Variants in COL19A1 observed in about 807,000 individuals in gnomAD.
COL19A1 encodes collagen alpha-1(XIX) chain.
In COL19A1, 159 loss-of-function variants were observed where a neutral mutation model predicts 190.2. The observed-to-expected ratio is 0.84, with a 90% confidence interval of 0.73 to 0.95. COL19A1 has a LOEUF of 0.95. Among genes scored for constraint, COL19A1 ranks in the 40% least tolerant of loss-of-function variants. The pLI is 0.00. For missense variants in COL19A1, 1,418 were observed against 1,431.9 expected (o/e 0.99, Z 0.16); for synonymous variants, 509 against 458.9 (o/e 1.11, Z -1.39).
At chr6:70,114,890 T>G (rs1784475798) in intron 16 of COL19A1, among the ~76,000 whole-genome samples, 1 of 152,226 alleles carries the variant, frequency 6.6e-6, no homozygotes. Flanking sequence ...TGAGAGCATT[T>G]AAGTTTCATA....
chr6:70,026,645 A>T (rs530663779), intron 12 of COL19A1, among the ~76,000 whole-genome samples: 2 of 152,296 alleles, frequency 1.3e-5, no homozygotes, highest in East Asian at 3.9e-4. Flanking sequence ...TATCACTAGT[A>T]GTAAAGAATC....
chr6:70,168,798 T>TCACCACCA, intron 40 of COL19A1, 117 bp downstream of exon 40: 3 of 1,058,704 alleles, frequency 2.8e-6, no homozygotes, highest in African/African-American at 1.6e-5. Flanking sequence ...AACATGCTGG[T>TCACCACCA]GGTGACAAGC....
In COL19A1 at chr6:70,207,273, G is replaced by T; in HGVS notation, c.3428G>T (p.Ter1143LeuextTer49). 6.3e-7 allele frequency: 1 copy of T among 1,583,010 alleles called. No individual in the cohort carries two copies. Among genetic ancestry groups the T allele is most frequent in the South Asian group, 1.1e-5 (1 of 90,542 alleles). ...SHAHQRTGGN[*>L] ...GCCCATCAGCGCACAGGTGGGAATT[G>T]AACACACCTGAAGAAGACTTGGTTC... Residue 1143 changes from the stop codon to leucine, a stop_lost, in exon 51 of 51, where the codon TGA (stop) becomes TTA (leucine). Coordinates refer to ENST00000620364, the MANE Select transcript of COL19A1 (RefSeq NM_001858.6).
At chr6:70,192,877 T>G (rs955581344) in intron 48 of COL19A1, among the ~76,000 whole-genome samples, 34 of 152,270 alleles carry the variant, frequency 2.2e-4, no homozygotes, top group African/African-American at 7.7e-4. Flanking sequence ...AAAAGAGAAA[T>G]GCCAGCGTAT....
At chr6:70,145,572 T>C (rs1443900331) in intron 25 of COL19A1, among the ~76,000 whole-genome samples, 2 of 152,106 alleles carry the variant, frequency 1.3e-5, no homozygotes, top group Non-Finnish European at 2.9e-5. Flanking sequence ...TGTCAGGCAC[T>C]ATGCTTACTT....
rs140128245 is a variant in COL19A1 at position 70,198,633 on chromosome 6, T to C, written c.3095-975T>C. Among the ~76,000 whole-genome samples the C allele has an allele frequency of 6.7e-3, 1,026 of 152,372 alleles. 8 individuals carry two copies. The highest frequency in any genetic ancestry group is 0.014 in the Middle Eastern group (4 of 294). On this transcript the variant is annotated intron_variant, in intron 48 of 50. Transcript: ENST00000620364. Reference sequence around the variant, plus strand: ...TTATAATGGCCTTGGAATGAGTTAATGATTTTACCAAAATTAATTTCATAT... The same window carrying C: ...TTATAATGGCCTTGGAATGAGTTAACGATTTTACCAAAATTAATTTCATAT...
At chr6:70,099,894 G>A (rs1355251675) in intron 15 of COL19A1, among the ~76,000 whole-genome samples, 7 of 152,156 alleles carry the variant, frequency 4.6e-5, no homozygotes, top group Non-Finnish European at 1.0e-4. Context: ...ACAATGGCAA[G>A]GCTGGCTGAA....
intron 2 of COL19A1, among the ~76,000 whole-genome samples, chr6:69,895,682 T>G (rs1769681384): frequency 6.6e-6 from 1 of 152,238 alleles, no homozygotes; most frequent in Admixed American, 6.5e-5. Context: ...GGCGGGCTGG[T>G]TGGAGTTTCT....
intron 46 of COL19A1, among the ~76,000 whole-genome samples, chr6:70,185,785 T>C (rs1766477021): frequency 6.6e-6 from 1 of 152,190 alleles, no homozygotes; most frequent in Admixed American, 6.5e-5. Context: ...TGTATGTGAG[T>C]GTGGGCACAT....
intron 16 of COL19A1, among the ~76,000 whole-genome samples, chr6:70,108,105 C>T (rs376578866): frequency 2.0e-4 from 31 of 152,132 alleles, no homozygotes; most frequent in East Asian, 1.5e-3. Context: ...GGAAATGAGG[C>T]GGAGCAGGAG....
intron 46 of COL19A1, among the ~76,000 whole-genome samples, chr6:70,186,999 T>C (rs1766564457): frequency 6.6e-6 from 1 of 152,172 alleles, no homozygotes; most frequent in Non-Finnish European, 1.5e-5. Flanking sequence ...TGCCTCAGCC[T>C]CCTGAGTAGC....
At position 69,929,530 on chromosome 6, in the gene COL19A1, T is replaced by C; in HGVS notation, c.496T>C (p.Leu166=). The C allele has an allele frequency of 6.2e-7, 1 of 1,614,110 alleles. No homozygotes were observed. ...YIFRNRELRP[L]FDRQWHKLGI... ...TTTTAGAAATCGAGAACTCCGTCCT[T>C]TGTTTGATCGTCAGTGGCACAAACT... The change falls in exon 6 of 51, where the codon TTG becomes CTG. Residue 166 remains leucine, a synonymous_variant. Transcript: ENST00000620364.
chr6:70,098,110 C>G (rs1783397898), intron 15 of COL19A1, among the ~76,000 whole-genome samples: 1 of 152,204 alleles, frequency 6.6e-6, no homozygotes, highest in African/African-American at 2.4e-5. Flanking sequence ...CCAACCGCCG[C>G]AGGCCCTGGC....
chr6:70,207,121 T>C (rs769913001), intron 50 of COL19A1, 26 bp from the exon 51 acceptor site: 1 of 1,583,486 alleles, frequency 6.3e-7, no homozygotes, highest in South Asian at 1.1e-5. Flanking sequence ...GTGATCTGCA[T>C]TGTAATTTTT....
chr6:70,206,837 T>A, intron 49 of COL19A1, 64 bp from the exon 50 acceptor site: 2 of 1,400,356 alleles, frequency 1.4e-6, no homozygotes, highest in Non-Finnish European at 2.0e-6. Flanking sequence ...AAATGGTTCT[T>A]CTCTGTGCTG....
intron 49 of COL19A1, among the ~76,000 whole-genome samples, chr6:70,202,021 A>G (rs1357108375): frequency 1.3e-5 from 2 of 152,198 alleles, no homozygotes; most frequent in Non-Finnish European, 2.9e-5. Flanking sequence ...CCAAAAAGGA[A>G]AGAAAAAAAT....
At chr6:70,053,849 A>C (rs572543279) in intron 14 of COL19A1, among the ~76,000 whole-genome samples, 1 of 152,324 alleles carries the variant, frequency 6.6e-6, no homozygotes, top group South Asian at 2.1e-4. Context: ...ATGTATTACC[A>C]AAATTAGCCA....
chr6:69,983,239 G>A (rs896139270), intron 11 of COL19A1, among the ~76,000 whole-genome samples: 12 of 151,756 alleles, frequency 7.9e-5, no homozygotes, highest in Admixed American at 5.3e-4. Context: ...CATAATTTTC[G>A]TTAGATTTAT....
At chr6:70,115,801 TTTTG>T (rs1227004197) in intron 16 of COL19A1, among the ~76,000 whole-genome samples, 2 of 146,830 alleles carry the variant, frequency 1.4e-5, no homozygotes, top group African/African-American at 2.5e-5. Context: ...TTGTTGTTTT[TTTTG>T]TTTTGTTTTT....
Sources: allele counts gnomAD v4.1 joint callset (sites outside exome capture counted in the v4.1 genomes callset), GRCh38; gene constraint gnomAD v4.1.1; transcripts MANE v1.5; gene names NCBI Gene and HGNC (gene_info 2026-07-23, HGNC 2026-07-21).